HIPK2: variants seen among roughly 807,000 people sequenced by gnomAD.
The protein encoded by HIPK2 is homeodomain interacting protein kinase 2, also known as homeodomain-interacting protein kinase 2.
HIPK2 carries 27 observed loss-of-function variants against 113.7 expected under a neutral mutation model. The observed-to-expected ratio is 0.24, with a 90% CI of 0.17 to 0.33. The LOEUF is 0.33. HIPK2 is among the 10% of genes least tolerant of loss of function. HIPK2 has a pLI of 1.00. For synonymous variants in HIPK2, 631 were observed against 642.2 expected (o/e 0.98, Z 0.26); for missense variants, 1,257 against 1,588.0 (o/e 0.79, Z 3.54).
intron 2 of HIPK2, among the ~76,000 whole-genome samples, chr7:139,693,696 T>A (rs2116800849): frequency 6.6e-6 from 1 of 151,262 alleles, no homozygotes; most frequent in Admixed American, 6.6e-5. Flanking sequence ...GATGCTATGA[T>A]GTCTTCCTGT....
chr7:139,597,151 G>A, intron 11 of HIPK2, 153 bp from the exon 12 acceptor site: 1 of 336,296 alleles, frequency 3.0e-6, no homozygotes, highest in Non-Finnish European at 4.2e-6. Context: ...ACTGGGAAAG[G>A]GATCATTCAG....
At chr7:139,604,495 C>T (rs1237376915) in intron 9 of HIPK2, among the ~76,000 whole-genome samples, 1 of 151,992 alleles carries the variant, frequency 6.6e-6, no homozygotes, top group Non-Finnish European at 1.5e-5. Context: ...TCCTGGCTAA[C>T]ACAGTGAAAC....
chr7:139,632,770 TG>T (rs1800661615), intron 2 of HIPK2, among the ~76,000 whole-genome samples: 1 of 152,126 alleles, frequency 6.6e-6, no homozygotes, highest in Non-Finnish European at 1.5e-5. Flanking sequence ...ACACAGCTTA[TG>T]TTTTTTTAAA....
At chr7:139,761,765 T>C (rs1796468073) in intron 1 of HIPK2, among the ~76,000 whole-genome samples, 1 of 152,136 alleles carries the variant, frequency 6.6e-6, no homozygotes, top group Non-Finnish European at 1.5e-5. Flanking sequence ...GAAATCGGAA[T>C]AGAAACAAGG....
At chr7:139,708,617 T>C (rs1373528425) in intron 2 of HIPK2, among the ~76,000 whole-genome samples, 1 of 152,224 alleles carries the variant, frequency 6.6e-6, no homozygotes, top group East Asian at 1.9e-4. Flanking sequence ...GGCAGAAAAC[T>C]GGGCCAAGTT....
chr7:139,722,005 C>T (rs995110091), intron 1 of HIPK2: 1 of 471,698 alleles, frequency 2.1e-6, no homozygotes. Flanking sequence ...AGTAGCATGC[C>T]TATTACCATA....
chr7:139,699,823 G>A (rs1357497776), intron 2 of HIPK2, among the ~76,000 whole-genome samples: 3 of 152,208 alleles, frequency 2.0e-5, no homozygotes, highest in Non-Finnish European at 2.9e-5. Context: ...ATCTGCGCAC[G>A]CCAGGGGTGT....
At chr7:139,762,425 T>C (rs1342966334) in intron 1 of HIPK2, among the ~76,000 whole-genome samples, 1 of 152,148 alleles carries the variant, frequency 6.6e-6, no homozygotes, top group Non-Finnish European at 1.5e-5. Context: ...ACCAGCAAAG[T>C]TCCAAAGCTC....
At chr7:139,731,433 G>C (rs999001363) in intron 1 of HIPK2, among the ~76,000 whole-genome samples, 3 of 152,208 alleles carry the variant, frequency 2.0e-5, no homozygotes, top group African/African-American at 7.2e-5. Context: ...AGTTCGATCT[G>C]TTCTCATCAG....
chr7:139,693,366 T>C (rs188090868), intron 2 of HIPK2, among the ~76,000 whole-genome samples: 1 of 152,212 alleles, frequency 6.6e-6, no homozygotes, highest in Non-Finnish European at 1.5e-5. Context: ...AGCACCTAAG[T>C]GCATGTCTGT....
At chr7:139,625,959 C>G (rs1018867041) in intron 6 of HIPK2, among the ~76,000 whole-genome samples, 14 of 152,162 alleles carry the variant, frequency 9.2e-5, no homozygotes, top group African/African-American at 3.1e-4. Context: ...CAGAGACTAC[C>G]GTTTCGGGCA....
chr7:139,743,820 A>G (rs181119079), intron 1 of HIPK2, among the ~76,000 whole-genome samples: 1 of 152,324 alleles, frequency 6.6e-6, no homozygotes, highest in Admixed American at 6.5e-5. Context: ...AGGTCACCTA[A>G]AAGACTACAG....
rs1338074689 is a variant in HIPK2 at position 139,777,608 on chromosome 7, C to T, written c.16G>A (p.Glu6Lys). 1.9e-6 allele frequency: 2 copies of T among 1,069,664 alleles called. No homozygotes were observed. The highest frequency in any genetic ancestry group is 2.7e-4 in the Middle Eastern group (1 of 3,692). The allele number at this position is 1,069,664 out of a possible 1,614,324, so 66.3% of individuals were successfully genotyped here. Residue 6 changes from glutamate (E) to lysine (K), a missense_variant, in exon 1 of 15, where the codon GAA becomes AAA. Coordinates refer to ENST00000406875, the MANE Select transcript of HIPK2 (RefSeq NM_022740.5). ...GGCGGGGCCGGGCGCCCCTTACCTTCGTACACGGGGGCCATCGGGGCCGGG... is the reference window on the plus strand; with the variant it reads ...GGCGGGGCCGGGCGCCCCTTACCTTTGTACACGGGGGCCATCGGGGCCGGG... The part of the protein sequence containing the change: MAPVY[E>K]GMASHVQVFS...
rs969358823 is a variant in HIPK2 at position 139,714,068 on chromosome 7, G to T, written c.1103+1864C>A. Among the ~76,000 whole-genome samples the T allele has an allele frequency of 1.2e-4, 19 of 152,290 alleles. No homozygotes were observed. Among genetic ancestry groups the T allele is most frequent in the African/African-American group, 4.1e-4 (17 of 41,560 alleles). ...AGCGGGGCACAGAGTGGATGGCCTG[G>T]TCAGGACGAGGGAGTGGAGAGCAAG... On this transcript the variant is annotated intron_variant, in intron 2 of 14. Coordinates refer to ENST00000406875, the MANE Select transcript of HIPK2 (RefSeq NM_022740.5). This position sits in a 1 kb window ranked among gnomAD's most constrained non-coding sequence, Gnocchi z 4.2.
rs71170908 is a variant in HIPK2 at position 139,665,558 on chromosome 7, ACATCCATCCATC to A, written c.1104-33845_1104-33834del. ...GAGCACTGCCTTCAGCCTCCTGGCCACATCCATCCATCCATCCATCCATCCATCCATCCATCC... is the reference window on the plus strand; with the variant it reads ...GAGCACTGCCTTCAGCCTCCTGGCCACATCCATCCATCCATCCATCCATCC... On this transcript the variant is annotated intron_variant, in intron 2 of 14. Coordinates refer to ENST00000406875, the MANE Select transcript of HIPK2 (RefSeq NM_022740.5). 1.0e-4 allele frequency among the ~76,000 whole-genome samples: 15 copies of A among 148,188 alleles called. No homozygotes were observed. In the South Asian group the frequency reaches 1.1e-3, roughly 11 times the overall value.
intron 2 of HIPK2, among the ~76,000 whole-genome samples, chr7:139,690,261 TAGTGGTATGAGC>T (rs1213683117): frequency 6.6e-6 from 1 of 151,932 alleles, no homozygotes; most frequent in Non-Finnish European, 1.5e-5. Context: ...GGTCCCTATT[TAGTGGTATGAGC>T]AGTGCACACA....
chr7:139,627,327 TATGTATGTATGC>T (rs1237644646), intron 5 of HIPK2, among the ~76,000 whole-genome samples: 6 of 151,916 alleles, frequency 3.9e-5, no homozygotes, highest in African/African-American at 1.2e-4. Context: ...TGTATGTATG[TATGTATGTATGC>T]ATGTATTTAA....
At chr7:139,573,421 A>G in intron 14 of HIPK2, 24 bp from the exon 15 acceptor site, 2 of 1,597,130 alleles carry the variant, frequency 1.3e-6, no homozygotes, top group South Asian at 2.2e-5. Context: ...GCACCAAGAG[A>G]GACGTCAGGG....
intron 2 of HIPK2, among the ~76,000 whole-genome samples, chr7:139,712,843 T>A (rs1250823737): frequency 1.3e-5 from 2 of 152,140 alleles, no homozygotes; most frequent in Non-Finnish European, 2.9e-5. Flanking sequence ...TCGATCTATA[T>A]GGTGGCAAAC....
Sources: gnomAD v4.1 joint callset for allele counts (sites outside exome capture counted in the v4.1 genomes callset) on GRCh38, gnomAD v4.1.1 for gene constraint, Gnocchi (gnomAD v3.1) non-coding constraint, MANE v1.5 for transcripts, NCBI Gene and HGNC (gene_info 2026-07-23, HGNC 2026-07-21) for gene names.